Variants in GAS2 observed in about 807,000 individuals in gnomAD.
GAS2 encodes growth arrest specific 2, also known as growth arrest-specific protein 2.
In GAS2, 20 loss-of-function variants were observed where a neutral mutation model predicts 37.5. The observed-to-expected ratio is 0.53, with a 90% CI of 0.37 to 0.77. The LOEUF (loss-of-function observed/expected upper bound fraction) is 0.77. GAS2 is among the 30% of genes least tolerant of loss of function. GAS2 has a pLI of 0.00. For synonymous variants in GAS2, 144 were observed against 132.2 expected, an observed-to-expected ratio of 1.09 and a Z score of -0.61; for missense variants, 336 against 373.4, an observed-to-expected ratio of 0.90 and a Z score of 0.82.
At chr11:22,701,147 A>AATACTG (rs1463494580) in intron 3 of GAS2, among the ~76,000 whole-genome samples, 2 of 152,200 alleles carry the variant, frequency 1.3e-5, no homozygotes, top group African/African-American at 4.8e-5. Flanking sequence ...CTGCACAGTA[A>AATACTG]ATACTGCTAT....
chr11:22,760,597 G>A (rs899869334), intron 7 of GAS2, among the ~76,000 whole-genome samples: 1 of 152,134 alleles, frequency 6.6e-6, no homozygotes, highest in East Asian at 1.9e-4. Context: ...AGACTTCTGT[G>A]TATTGTTGGA....
chr11:22,792,718 C>T (rs984551598), intron 7 of GAS2, among the ~76,000 whole-genome samples: 3 of 152,200 alleles, frequency 2.0e-5, no homozygotes, highest in Non-Finnish European at 4.4e-5. Flanking sequence ...GAACAATAGG[C>T]TCATTTATGA....
intron 7 of GAS2, among the ~76,000 whole-genome samples, chr11:22,771,053 T>G (rs528779974): frequency 2.0e-5 from 3 of 152,262 alleles, no homozygotes; most frequent in African/African-American, 7.2e-5. Context: ...CTTCAATCAG[T>G]TGAGGGAAGT....
intron 1 of GAS2, among the ~76,000 whole-genome samples, chr11:22,638,239 G>T (rs1448644742): frequency 6.6e-6 from 1 of 152,082 alleles, no homozygotes; most frequent in East Asian, 1.9e-4. Flanking sequence ...TGTACTCTTG[G>T]TCCTGAGAGG....
intron 7 of GAS2, among the ~76,000 whole-genome samples, chr11:22,770,436 G>A (rs1326595742): frequency 6.6e-6 from 1 of 152,156 alleles, no homozygotes; most frequent in Non-Finnish European, 1.5e-5. Flanking sequence ...GAACAATATA[G>A]TAGGATATTC....
intron 3 of GAS2, among the ~76,000 whole-genome samples, 188 bp downstream of exon 3, chr11:22,685,977 T>C (rs1405205052): frequency 1.3e-5 from 2 of 152,196 alleles, no homozygotes; most frequent in Non-Finnish European, 2.9e-5. Context: ...AATTGCATAA[T>C]CCTTTTGGTG....
Position 22,785,531 on chromosome 11 carries a change from G to A in GAS2, c.724-26267G>A, listed in dbSNP as rs572378383. 2.0e-5 allele frequency among the ~76,000 whole-genome samples: 3 copies of A among 152,254 alleles called. 1 individual carries two copies. Among genetic ancestry groups the A allele is most frequent in the South Asian group, 4.2e-4 (2 of 4,818 alleles). ...CAGAATAATGTATGTGTTGATTAAA[G>A]GACTTTGCTGATGTCTTGGGAATCA... On this transcript the variant is annotated intron_variant, in intron 7 of 7. Coordinates refer to ENST00000454584, the MANE Select transcript of GAS2 (RefSeq NM_001143830.3).
intron 7 of GAS2, among the ~76,000 whole-genome samples, chr11:22,761,589 T>C (rs970829404): frequency 1.3e-5 from 2 of 152,206 alleles, no homozygotes; most frequent in African/African-American, 4.8e-5. Flanking sequence ...TTCCAGAAGA[T>C]GTTCAAAAAT....
chr11:22,646,989 G>C (rs1286924493), intron 1 of GAS2, among the ~76,000 whole-genome samples: 1 of 150,358 alleles, frequency 6.7e-6, no homozygotes, highest in Non-Finnish European at 1.5e-5. Flanking sequence ...AGTTACATAT[G>C]TATACATGTG....
upstream of GAS2, among the ~76,000 whole-genome samples, chr11:22,665,545 T>C (rs1188641536): frequency 6.6e-6 from 1 of 152,170 alleles, no homozygotes; most frequent in Non-Finnish European, 1.5e-5. Flanking sequence ...CTCCTTAAAA[T>C]TAAGAATAAC....
chr11:22,811,982 CT>C lies in GAS2; in HGVS notation c.909del (p.Ala304ProfsTer16). On this transcript the variant is annotated frameshift_variant, in exon 8 of 8. Transcript: ENST00000454584. LOFTEE classifies it high-confidence loss of function. ...AATCCAGATAACTACTTGGTGGTCT[CT>C]GCCAGTTATAAGGCTAAGAAGGAAA... is the stretch of plus-strand genomic sequence containing the variant. Reference protein sequence around the residue: ...DMNPDNYLVVSASYKAKKEIK With the variant: ...DMNPDNYLVVXASYKAKKEIK 1 of 1,614,098 alleles carries C rather than the reference CT, an allele frequency of 6.2e-7. No homozygotes were observed. The highest frequency in any genetic ancestry group is 8.5e-7 in the Non-Finnish European group (1 of 1,179,996).
intron 3 of GAS2, among the ~76,000 whole-genome samples, chr11:22,705,250 C>T (rs955421904): frequency 3.3e-5 from 5 of 152,124 alleles, no homozygotes; most frequent in Non-Finnish European, 5.9e-5. Context: ...TTGAACCTGA[C>T]GAGTAGGTCC....
intron 7 of GAS2, among the ~76,000 whole-genome samples, chr11:22,808,502 G>T (rs1331381638): frequency 1.3e-5 from 2 of 152,170 alleles, no homozygotes; most frequent in African/African-American, 4.8e-5. Flanking sequence ...AAAGTACTAT[G>T]GATTCATTAA....
intron 7 of GAS2, among the ~76,000 whole-genome samples, chr11:22,810,739 T>TATCAAAACCTAC (rs1051611954): frequency 2.0e-5 from 3 of 152,128 alleles, no homozygotes; most frequent in African/African-American, 7.2e-5. Flanking sequence ...CCAAAACCTT[T>TATCAAAACCTAC]ATCAAAACCT....
At chr11:22,641,727 G>A (rs563994411) in intron 1 of GAS2, among the ~76,000 whole-genome samples, 1 of 152,180 alleles carries the variant, frequency 6.6e-6, no homozygotes, top group Non-Finnish European at 1.5e-5. Context: ...CCAGGAGTTT[G>A]ACTGACACAG....
chr11:22,793,155 T>A (rs1856252383), intron 7 of GAS2, among the ~76,000 whole-genome samples: 1 of 152,058 alleles, frequency 6.6e-6, no homozygotes, highest in Admixed American at 6.6e-5. Context: ...ACACCTGTAA[T>A]CCCAGCTACT....
intron 3 of GAS2, among the ~76,000 whole-genome samples, chr11:22,717,792 C>G: frequency 6.6e-6 from 1 of 151,786 alleles, no homozygotes; most frequent in Non-Finnish European, 1.5e-5. Context: ...AAAGAATATC[C>G]CATCAAACAG....
intron 3 of GAS2, among the ~76,000 whole-genome samples, chr11:22,725,172 A>C (rs1852140757): frequency 6.6e-6 from 1 of 152,046 alleles, no homozygotes; most frequent in African/African-American, 2.4e-5. Flanking sequence ...ATTTCTATTA[A>C]AGAAAAAAGA....
intron 7 of GAS2, among the ~76,000 whole-genome samples, chr11:22,773,282 T>G (rs1277336062): frequency 6.6e-6 from 1 of 152,088 alleles, no homozygotes; most frequent in Non-Finnish European, 1.5e-5. Context: ...TCTCATTACC[T>G]ACATCTGGGC....
Sources: allele counts gnomAD v4.1 joint callset (sites outside exome capture counted in the v4.1 genomes callset), GRCh38; gene constraint gnomAD v4.1.1; transcripts MANE v1.5; gene names NCBI Gene and HGNC (gene_info 2026-07-23, HGNC 2026-07-21).